The following CYFIP2 variants were observed in gnomAD, a reference collection of about 807,000 sequenced individuals.
The protein encoded by CYFIP2 is cytoplasmic FMR1 interacting protein 2.
Under a neutral mutation model 158.7 loss-of-function variants are expected in CYFIP2, and 29 were observed. That is an observed-to-expected ratio of 0.18 (90% CI 0.14 to 0.25). The LOEUF (loss-of-function observed/expected upper bound fraction) is 0.25, where lower values mean the gene tolerates loss of function less well. CYFIP2 is among the 10% of genes least tolerant of loss of function. The pLI is 1.00. For missense variants in CYFIP2, 852 were observed against 1,639.5 expected, an observed-to-expected ratio of 0.52 and a Z score of 8.29; for synonymous variants, 585 against 617.6, an observed-to-expected ratio of 0.95 and a Z score of 0.78.
At chr5:157,328,093 C>T (rs368502582) in intron 19 of CYFIP2, 44 bp downstream of exon 19, 17 of 1,558,040 alleles carry the variant, frequency 1.1e-5, no homozygotes, top group East Asian at 2.3e-5. Context: ...CTTAAGACTG[C>T]CACCTAGAAG....
chr5:157,314,860 A>G, intron 12 of CYFIP2, 109 bp from the exon 13 acceptor site: 1 of 888,118 alleles, frequency 1.1e-6, no homozygotes, highest in Non-Finnish European at 1.7e-6. Context: ...ATGAATCAGT[A>G]CTTTATTCCT....
At chr5:157,366,585 C>T (rs994302239) in intron 26 of CYFIP2, among the ~76,000 whole-genome samples, 1 of 152,168 alleles carries the variant, frequency 6.6e-6, no homozygotes. Context: ...TGTTCTGGCA[C>T]CACTTCTTGA....
chr5:157,289,023 A>G (rs1365568126), intron 3 of CYFIP2, among the ~76,000 whole-genome samples: 1 of 152,198 alleles, frequency 6.6e-6, no homozygotes, highest in Admixed American at 6.5e-5. Context: ...TTGGAGCTTT[A>G]TAACAGCCCT....
chr5:157,288,338 A>T (rs1326268769), intron 3 of CYFIP2, among the ~76,000 whole-genome samples: 1 of 152,006 alleles, frequency 6.6e-6, no homozygotes, highest in South Asian at 2.1e-4. Flanking sequence ...TAAAGATCCC[A>T]CCTCTCAACA....
At chr5:157,366,933 G>A (rs1039809724) in intron 26 of CYFIP2, among the ~76,000 whole-genome samples, 14 of 152,184 alleles carry the variant, frequency 9.2e-5, no homozygotes, top group Admixed American at 2.0e-4. Context: ...CTATTTGTAC[G>A]TGTGAGGGAA....
chr5:157,339,502 C>T (rs530827449), intron 22 of CYFIP2, among the ~76,000 whole-genome samples: 1 of 152,342 alleles, frequency 6.6e-6, no homozygotes, highest in African/African-American at 2.4e-5. Context: ...TCTGAAGTTG[C>T]CCATTGGGGT....
chr5:157,372,004 T>G (rs1765037761), intron 26 of CYFIP2, among the ~76,000 whole-genome samples: 1 of 152,188 alleles, frequency 6.6e-6, no homozygotes, highest in African/African-American at 2.4e-5. Flanking sequence ...CATTAACTCC[T>G]CCCAGAGAGA....
chr5:157,361,438 T>A lies in CYFIP2; in HGVS notation c.2909-30T>A, dbSNP rs1763819650. 1 of 1,613,226 alleles carries A rather than the reference T, an allele frequency of 6.2e-7. No individual in the cohort carries two copies. Among genetic ancestry groups the A allele is most frequent in the Admixed American group, 1.7e-5 (1 of 59,990 alleles). Reference sequence around the variant, plus strand: ...TAGACCCTACTGAGCAGTGTCAACTTCCCACTGACCACCCCGATTCACCTC... The same window carrying A: ...TAGACCCTACTGAGCAGTGTCAACTACCCACTGACCACCCCGATTCACCTC... On this transcript the variant is annotated intron_variant, in intron 25 of 30. Transcript: ENST00000620254. This position sits in a 1 kb window ranked among gnomAD's most constrained non-coding sequence, Gnocchi z 4.4.
rs182252888 is a variant in CYFIP2 at position 157,291,698 on chromosome 5, A to C, written c.208-3085A>C. 5.9e-5 allele frequency among the ~76,000 whole-genome samples: 9 copies of C among 152,332 alleles called. No individual in the cohort carries two copies. The East Asian group carries it at 1.5e-3, about 26-fold the overall frequency. On this transcript the variant is annotated intron_variant, in intron 3 of 30. Coordinates refer to ENST00000620254, the MANE Select transcript of CYFIP2 (RefSeq NM_001037333.3). ...TGTTCTCAAGGACAACATGTTACTG[A>C]TTTTTAAAGTTCTCTAAATTAATCA...
chr5:157,281,647 C>CAT (rs762966586), intron 1 of CYFIP2, among the ~76,000 whole-genome samples: 9 of 152,266 alleles, frequency 5.9e-5, no homozygotes, highest in Middle Eastern at 3.4e-3. Flanking sequence ...AATAGTACAA[C>CAT]ATATATATAC....
intron 23 of CYFIP2, among the ~76,000 whole-genome samples, chr5:157,350,458 G>T (rs1370476379): frequency 1.3e-5 from 2 of 152,062 alleles, no homozygotes; most frequent in South Asian, 2.1e-4. Flanking sequence ...TTTATTTCTG[G>T]GTTCTCTATT....
rs771443874 is a variant in CYFIP2, at chr5:157,392,855, G to A, written c.3617G>A (p.Arg1206Gln). Residue 1206 changes from arginine to glutamine, a missense_variant, in exon 31 of 31, where the codon CGG becomes CAG. Physicochemically the swap from Arg to Gln is conservative, Grantham distance 43 (BLOSUM62 1). Coordinates refer to ENST00000620254, the MANE Select transcript of CYFIP2 (RefSeq NM_001037333.3). ...TAGCCCCTGAAGAAGATGGCCGACC[G>A]GATCAGGAAGTATCAGATCTTGAAC... ...KNVPLKKMAD[R>Q]IRKYQILNNE... The A allele has an allele frequency of 1.9e-6, 3 of 1,613,636 alleles. No individual in the cohort carries two copies. Among genetic ancestry groups the A allele is most frequent in the Non-Finnish European group, 1.7e-6 (2 of 1,179,802 alleles).
intron 26 of CYFIP2, among the ~76,000 whole-genome samples, chr5:157,373,100 C>T (rs1232454776): frequency 6.6e-6 from 1 of 152,166 alleles, no homozygotes; most frequent in Non-Finnish European, 1.5e-5. Context: ...CAGGTGGATT[C>T]TTGTTATACT....
chr5:157,336,702 G>T (rs1401882820), intron 21 of CYFIP2, among the ~76,000 whole-genome samples: 1 of 152,204 alleles, frequency 6.6e-6, no homozygotes, highest in East Asian at 1.9e-4. Context: ...CCCCAGTTCT[G>T]TTTCTCTGTG....
At chr5:157,353,750 C>T (rs1216635653) in intron 23 of CYFIP2, among the ~76,000 whole-genome samples, 3 of 152,112 alleles carry the variant, frequency 2.0e-5, no homozygotes, top group Non-Finnish European at 4.4e-5. Flanking sequence ...TTTGTGTTTG[C>T]GGGCTGATGA....
intron 1 of CYFIP2, among the ~76,000 whole-genome samples, chr5:157,267,341 A>G (rs1173988906): frequency 6.6e-6 from 1 of 152,106 alleles, no homozygotes; most frequent in Non-Finnish European, 1.5e-5. Context: ...CTGTGTTCCC[A>G]TTTCCTGCCT....
chr5:157,330,689 G>T, intron 19 of CYFIP2, 53 bp from the exon 20 acceptor site: 2 of 1,385,208 alleles, frequency 1.4e-6, no homozygotes, highest in South Asian at 2.3e-5. Flanking sequence ...CTGGGCAGTT[G>T]AGAGTCATTC....
chr5:157,285,695 T>C (rs1005466588), intron 2 of CYFIP2, among the ~76,000 whole-genome samples: 4 of 152,248 alleles, frequency 2.6e-5, no homozygotes. Context: ...CAGGGAAGTC[T>C]TGTTGATCTG....
intron 3 of CYFIP2, among the ~76,000 whole-genome samples, chr5:157,289,517 T>G (rs1334615482): frequency 6.6e-6 from 1 of 152,226 alleles, no homozygotes; most frequent in Non-Finnish European, 1.5e-5. Context: ...TTCCTCAGAC[T>G]TTTTTCCTTG....
Sources: allele counts gnomAD v4.1 joint callset (sites outside exome capture counted in the v4.1 genomes callset), GRCh38; gene constraint gnomAD v4.1.1; non-coding constraint Gnocchi (gnomAD v3.1); transcripts MANE v1.5; gene names NCBI Gene and HGNC (gene_info 2026-07-23, HGNC 2026-07-21).